Variants in MDN1 observed in about 807,000 individuals in gnomAD.
MDN1 encodes midasin AAA ATPase 1, also known as midasin.
In MDN1, 266 loss-of-function variants were observed where a neutral mutation model predicts 669.2. The ratio of observed to expected loss-of-function variants is 0.40; its 90% confidence interval spans 0.36 to 0.44. The LOEUF (loss-of-function observed/expected upper bound fraction) is 0.44. Ranked by LOEUF, MDN1 falls within the 20% of genes least tolerant of loss-of-function variation. MDN1 has a pLI of 1.00. For missense variants in MDN1, 5,940 were observed against 6,754.0 expected (o/e 0.88, Z 4.22); for synonymous variants, 2,385 against 2,457.1 (o/e 0.97, Z 0.87).
chr6:89,744,071 C>T (rs1816441032), intron 29 of MDN1, among the ~76,000 whole-genome samples: 2 of 144,700 alleles, frequency 1.4e-5, no homozygotes, highest in South Asian at 2.3e-4. Context: ...CCATTGCAGT[C>T]CAGCCTGGGT....
chr6:89,768,220 T>C (rs747215199), intron 15 of MDN1, among the ~76,000 whole-genome samples: 22 of 152,238 alleles, frequency 1.4e-4, no homozygotes, highest in Middle Eastern at 6.8e-3. Flanking sequence ...AAATCTCATC[T>C]TGAATTGTAG....
At chr6:89,678,294 A>G (rs964309692) in intron 75 of MDN1, among the ~76,000 whole-genome samples, 1 of 152,180 alleles carries the variant, frequency 6.6e-6, no homozygotes, top group East Asian at 1.9e-4. Context: ...ACACCGCTGC[A>G]CTAACCAGCC....
intron 97 of MDN1, 36 bp from the exon 98 acceptor site, chr6:89,648,365 A>G: frequency 6.3e-7 from 1 of 1,580,400 alleles, no homozygotes; most frequent in Non-Finnish European, 8.7e-7. Context: ...TAGGAATCAG[A>G]ATATCCTCTA....
chr6:89,732,480 C>A, intron 34 of MDN1, 77 bp downstream of exon 34: 1 of 1,241,746 alleles, frequency 8.1e-7, no homozygotes, highest in Admixed American at 2.1e-5. Context: ...ATAGCTGGGT[C>A]AGAGGCCTGG....
intron 37 of MDN1, among the ~76,000 whole-genome samples, chr6:89,725,930 TACACACACACACACAC>T (rs71024397): frequency 8.1e-5 from 12 of 147,582 alleles, no homozygotes; most frequent in East Asian, 6.0e-4. Flanking sequence ...TGGTATTTTA[TACACACACACACACAC>T]ACACACACAC....
rs1027867757 is a variant in MDN1, at chr6:89,643,844, C to T, written c.*161G>A. ...TTTGGTATAAAAACCTCAGCCCAGG[C>T]AAAGCCGGGAGCCAGAGAGCATTCT... is the stretch of plus-strand genomic sequence containing the variant. On this transcript the variant is annotated 3_prime_UTR_variant, in exon 102 of 102. Coordinates refer to ENST00000369393, the MANE Select transcript of MDN1 (RefSeq NM_014611.3). 6 of 616,188 alleles carry T rather than the reference C, an allele frequency of 9.7e-6. No homozygotes were observed. The highest frequency in any genetic ancestry group is 1.5e-5 in the Non-Finnish European group (6 of 390,044). 38.2% of individuals were successfully genotyped at this position (616,188 alleles called of 1,614,324 possible). A position where few individuals can be genotyped will look rare whatever the true frequency, so the allele number is the denominator to read the frequency against.
At chr6:89,758,469 C>T (rs1817368234) in intron 18 of MDN1, 118 bp from the exon 19 acceptor site, 1 of 820,522 alleles carries the variant, frequency 1.2e-6, no homozygotes. Context: ...TCTGAAACCC[C>T]ACTGAAATAA....
intron 9 of MDN1, among the ~76,000 whole-genome samples, chr6:89,783,256 C>A (rs1010517040): frequency 6.6e-6 from 1 of 151,918 alleles, no homozygotes; most frequent in African/African-American, 2.4e-5. Context: ...ATATTAATAC[C>A]CCGGGAAAGG....
chr6:89,701,619 G>C lies in MDN1; in HGVS notation c.8366C>G (p.Thr2789Ser), dbSNP rs1203112598. ...EHIQNCLGSQTGGFAGIKKLQ... is the reference protein window; with the variant it reads ...EHIQNCLGSQSGGFAGIKKLQ... ...CTTCTTTATACCAGCGAAGCCACCA[G>C]TCTGGCTCCCCAGACAATTCTGAAT... Residue 2789 changes from threonine (T) to serine (S), a missense_variant, in exon 55 of 102, where the codon ACT (threonine) becomes AGT (serine). By Grantham distance (58) the Thr-to-Ser change is moderately conservative. This residue lies in a region of MDN1 where 2,292 missense variants were observed against 2,638.3 expected (regional missense o/e 0.87). Coordinates refer to ENST00000369393, the MANE Select transcript of MDN1 (RefSeq NM_014611.3). The C allele has an allele frequency of 6.2e-7, 1 of 1,614,166 alleles. No homozygotes were observed.
chr6:89,734,457 A>G (rs539313301), intron 33 of MDN1, among the ~76,000 whole-genome samples: 22 of 152,196 alleles, frequency 1.4e-4, no homozygotes, highest in Non-Finnish European at 2.6e-4. Context: ...AGTTCAGACC[A>G]GCCTGGCCAA....
At position 89,695,891 on chromosome 6, in the gene MDN1, C is replaced by G; in HGVS notation, c.9485G>C (p.Cys3162Ser). The change falls in exon 61 of 102, where the codon TGT becomes TCT. Residue 3162 changes from cysteine to serine, a missense_variant. Cys to Ser is a moderately radical substitution (Grantham distance 112). This residue lies in a region of MDN1 where 2,292 missense variants were observed against 2,638.3 expected (regional missense o/e 0.87). Transcript: ENST00000369393. The surrounding 1 kb of genome is among the most constrained non-coding windows in gnomAD (Gnocchi z 4.1). ...ESRRQEYMQN[C>S]EQLLLGSSQA... ...GCTGCTCCCAAGCAGCAGCTGCTCA[C>G]AGTTCTGCATGTACTCCTGCCGCCG... The G allele has an allele frequency of 1.9e-6, 3 of 1,613,320 alleles. No individual in the cohort carries two copies. The South Asian group carries it at 3.3e-5, about 18-fold the overall frequency.
At chr6:89,645,908 C>T (rs1331560233) in intron 100 of MDN1, among the ~76,000 whole-genome samples, 1 of 152,148 alleles carries the variant, frequency 6.6e-6, no homozygotes, top group East Asian at 1.9e-4. Context: ...ATGTTTCAAG[C>T]CCCCAAAGTA....
In MDN1 at chr6:89,707,401, T is replaced by A. The variant is rs758963952; in HGVS notation, c.7974A>T (p.Leu2658=). 2 of 1,613,920 alleles carry A rather than the reference T, an allele frequency of 1.2e-6. No homozygotes were observed. The highest frequency in any genetic ancestry group is 3.3e-5 in the Admixed American group (2 of 60,032). The change falls in exon 52 of 102, where the codon CTA becomes CTT. Residue 2658 remains leucine, a synonymous_variant. Transcript: ENST00000369393. ...AGGACATTCTCAAAACACTCTCTCT[T>A]AGCTTTTTGCTACCAACAGAAACCA... ...ANLVSVGSKK[L]RESVLRMSFE...
At chr6:89,676,381 C>T (rs1811191668) in intron 76 of MDN1, among the ~76,000 whole-genome samples, 174 bp from the exon 77 acceptor site, 1 of 152,230 alleles carries the variant, frequency 6.6e-6, no homozygotes, top group South Asian at 2.1e-4. Context: ...CTTAACTCAG[C>T]ACTGGAAGTA....
chr6:89,652,659 T>C (rs1258248525), intron 94 of MDN1, among the ~76,000 whole-genome samples: 1 of 152,222 alleles, frequency 6.6e-6, no homozygotes, highest in Non-Finnish European at 1.5e-5. Flanking sequence ...GATTTTTTAC[T>C]TAACCATCAC....
chr6:89,710,109 T>C (rs1036292773), intron 50 of MDN1, among the ~76,000 whole-genome samples: 1 of 152,230 alleles, frequency 6.6e-6, no homozygotes, highest in South Asian at 2.1e-4. Context: ...TGTGTAACTT[T>C]CCTTTAAGTC....
chr6:89,743,034 A>G, intron 31 of MDN1, 116 bp downstream of exon 31: 1 of 1,278,190 alleles, frequency 7.8e-7, no homozygotes, highest in South Asian at 1.5e-5. Flanking sequence ...GTGAACTATG[A>G]TCATGACACG....
chr6:89,707,423 A>T lies in MDN1; in HGVS notation c.7952T>A (p.Val2651Asp). 7.4e-6 allele frequency: 12 copies of T among 1,614,104 alleles called. No individual in the cohort carries two copies. The highest frequency in any genetic ancestry group is 1.0e-5 in the Non-Finnish European group (12 of 1,179,980). The change falls in exon 52 of 102, where the codon GTT becomes GAT. Residue 2651 changes from valine (V) to aspartate (D), a missense_variant. Around this residue, in one of 5 missense-constraint regions of MDN1, gnomAD observed 2,292 missense variants for 2,638.3 expected, o/e 0.87. Transcript: ENST00000369393. ...TCTTAGCTTTTTGCTACCAACAGAA[A>T]CCAAATTTGCTTCAGTAAAAACCCG... ...EKRVFTEANL[V>D]SVGSKKLRES...
chr6:89,656,610 C>CTTT (rs35227833), intron 91 of MDN1, 90 bp downstream of exon 91: 101 of 734,200 alleles, frequency 1.4e-4, no homozygotes, highest in South Asian at 3.3e-4. Flanking sequence ...AGGAGTATAG[C>CTTT]TTTTTTTTTT....
Sources: gnomAD v4.1 joint callset for allele counts (sites outside exome capture counted in the v4.1 genomes callset) on GRCh38, gnomAD v4.1.1 for gene constraint, gnomAD v4.1.1 regional missense constraint, Gnocchi (gnomAD v3.1) non-coding constraint, MANE v1.5 for transcripts, NCBI Gene and HGNC (gene_info 2026-07-23, HGNC 2026-07-21) for gene names.